ZNF385D: variants seen among roughly 807,000 people sequenced by gnomAD.
ZNF385D encodes zinc finger protein 659.
Under a neutral mutation model 35.8 loss-of-function variants are expected in ZNF385D, and 15 were observed. The ratio of observed to expected loss-of-function variants is 0.42; its 90% CI spans 0.28 to 0.64. ZNF385D has a LOEUF of 0.64. Ranked by LOEUF, ZNF385D falls within the 30% of genes least tolerant of loss-of-function variation. The probability of loss-of-function intolerance (pLI) is 0.23; values close to 1 mark genes in which losing one functional copy is unlikely to be tolerated. For missense variants in ZNF385D, 474 were observed against 494.6 expected (o/e 0.96, Z 0.39); for synonymous variants, 212 against 186.8 (o/e 1.13, Z -1.10).
At chr3:21,954,657 T>C (rs1702208793) in intron 3 of ZNF385D, among the ~76,000 whole-genome samples, 1 of 152,150 alleles carries the variant, frequency 6.6e-6, no homozygotes, top group African/African-American at 2.4e-5. Flanking sequence ...GATTCATTAA[T>C]ATATATTAAC....
intron 2 of ZNF385D, among the ~76,000 whole-genome samples, chr3:21,626,845 T>A (rs772102922): frequency 6.6e-6 from 1 of 151,944 alleles, no homozygotes; most frequent in Non-Finnish European, 1.5e-5. Flanking sequence ...AATTTATAAG[T>A]AGGCAGGGAT....
intron 3 of ZNF385D, among the ~76,000 whole-genome samples, chr3:21,945,141 T>C (rs1701712666): frequency 7.2e-6 from 1 of 138,748 alleles, no homozygotes; most frequent in Non-Finnish European, 1.5e-5. Context: ...TATATATGTA[T>C]ATGCATATAT....
rs1239015783 is a variant in ZNF385D, at chr3:21,421,347, C to T, written c.1055G>A (p.Ser352Asn). 5 of 1,613,820 alleles carry T rather than the reference C, an allele frequency of 3.1e-6. No homozygotes were observed. Among genetic ancestry groups the T allele is most frequent in the Middle Eastern group, 1.7e-4 (1 of 6,060 alleles). The change falls in exon 8 of 8, where the codon AGT becomes AAT. Residue 352 changes from serine to asparagine, a missense_variant. Transcript: ENST00000281523. ...AAAAAAAVAV[S>N]SPFSLRTAPA... The stretch of plus-strand genomic sequence containing the variant: ...AGCAGTTCGAAGACTGAAGGGGGAA[C>T]TCACTGCCACTGCTGCTGCGGCTGC...
chr3:21,947,439 C>A (rs1197678555), intron 3 of ZNF385D, among the ~76,000 whole-genome samples: 1 of 152,118 alleles, frequency 6.6e-6, no homozygotes, highest in African/African-American at 2.4e-5. Flanking sequence ...CAACCTCCGC[C>A]TCCTGGGTTC....
At chr3:22,271,326 A>T (rs1054619963) in intron 2 of ZNF385D, among the ~76,000 whole-genome samples, 1 of 152,122 alleles carries the variant, frequency 6.6e-6, no homozygotes, top group Admixed American at 6.6e-5. Context: ...ACTAATTTGG[A>T]TTCATTTTCT....
intron 2 of ZNF385D, among the ~76,000 whole-genome samples, chr3:22,226,312 A>T (rs1698555124): frequency 6.6e-6 from 1 of 152,124 alleles, no homozygotes. Flanking sequence ...GGGCCTCAGC[A>T]CGACAGACCA....
intron 3 of ZNF385D, among the ~76,000 whole-genome samples, chr3:21,885,779 GA>G (rs1698515526): frequency 8.7e-6 from 1 of 114,346 alleles, no homozygotes. Flanking sequence ...TGTGTGTGTA[GA>G]AAGAAAGAGA....
chr3:22,103,207 T>C (rs1329484678), intron 3 of ZNF385D, among the ~76,000 whole-genome samples: 1 of 73,344 alleles, frequency 1.4e-5, no homozygotes, highest in East Asian at 2.6e-4. Context: ...TTACTAGCCC[T>C]GGGGCCATTT....
intron 2 of ZNF385D, among the ~76,000 whole-genome samples, chr3:22,211,922 A>G (rs2125262348): frequency 6.6e-6 from 1 of 152,144 alleles, no homozygotes; most frequent in South Asian, 2.1e-4. Context: ...TGGCTTTGAC[A>G]GAAGATGCCT....
intron 3 of ZNF385D, among the ~76,000 whole-genome samples, chr3:22,010,787 AATAATT>A (rs1203859448): frequency 6.6e-6 from 1 of 152,222 alleles, no homozygotes; most frequent in Non-Finnish European, 1.5e-5. Flanking sequence ...CTTCTGTATG[AATAATT>A]ATTTTGACAG....
intron 3 of ZNF385D, among the ~76,000 whole-genome samples, chr3:21,943,714 A>C (rs986387587): frequency 2.6e-5 from 4 of 152,182 alleles, no homozygotes; most frequent in Non-Finnish European, 5.9e-5. Flanking sequence ...AACCAAAGTG[A>C]GAGATTTTAC....
chr3:22,217,151 T>A (rs1445473204), intron 2 of ZNF385D, among the ~76,000 whole-genome samples: 1 of 152,164 alleles, frequency 6.6e-6, no homozygotes, highest in African/African-American at 2.4e-5. Flanking sequence ...TAGAGTACTA[T>A]TCTAATATTC....
chr3:22,158,850 G>T (rs1452470805), intron 3 of ZNF385D, among the ~76,000 whole-genome samples: 2 of 151,960 alleles, frequency 1.3e-5, no homozygotes, highest in Non-Finnish European at 1.5e-5. Flanking sequence ...CGTAAATCAG[G>T]AAAGAAAAAT....
At chr3:22,016,403 T>A (rs1002627043) in intron 3 of ZNF385D, among the ~76,000 whole-genome samples, 2 of 152,164 alleles carry the variant, frequency 1.3e-5, no homozygotes, top group Non-Finnish European at 2.9e-5. Context: ...ATGTACTTAG[T>A]ATCCCACGAT....
intron 3 of ZNF385D, among the ~76,000 whole-genome samples, chr3:22,140,699 T>C (rs960411286): frequency 3.9e-5 from 6 of 152,190 alleles, no homozygotes; most frequent in African/African-American, 1.4e-4. Flanking sequence ...TTTTGAAACA[T>C]CTGAAATTAT....
At chr3:21,526,806 G>A (rs1708254220) in intron 3 of ZNF385D, among the ~76,000 whole-genome samples, 1 of 152,218 alleles carries the variant, frequency 6.6e-6, no homozygotes, top group South Asian at 2.1e-4. Flanking sequence ...GCTTGGTCAT[G>A]AATTAGCTAA....
At chr3:22,135,909 G>A (rs1704071661) in intron 3 of ZNF385D, among the ~76,000 whole-genome samples, 1 of 152,062 alleles carries the variant, frequency 6.6e-6, no homozygotes, top group Admixed American at 6.6e-5. Context: ...ATGATACTAA[G>A]ACAATTGCAC....
rs552700496 is a variant in ZNF385D at position 21,598,950 on chromosome 3, A to G, written c.166-34266T>C. Among the ~76,000 whole-genome samples the G allele has an allele frequency of 2.0e-5, 3 of 152,330 alleles. No individual in the cohort carries two copies. The South Asian group carries it at 6.2e-4, about 32-fold the overall frequency. On this transcript the variant is annotated intron_variant, in intron 2 of 7. Coordinates refer to ENST00000281523, the MANE Select transcript of ZNF385D (RefSeq NM_024697.3). ...CTGAATGGAACAACTAGGTGTCTTT[A>G]GGTCTCCCTGCCATGTTTGAAACTG...
chr3:21,820,838 C>G lies in ZNF385D; in HGVS notation c.326-155810G>C, dbSNP rs536759936. ...TCAAGAAAATAAGAACCAGAAGTCA[C>G]CGAGACAGTAAAGACATTTAACAAA... On this transcript the variant is annotated intron_variant, in intron 3 of 5. Coordinates refer to the ZNF385D transcript ENST00000494108. Among the ~76,000 whole-genome samples, 9 of 150,132 alleles carry G rather than the reference C, an allele frequency of 6.0e-5. No homozygotes were observed. The East Asian group carries it at 1.6e-3, about 26-fold the overall frequency.
Sources: gnomAD v4.1 joint callset for allele counts (sites outside exome capture counted in the v4.1 genomes callset) on GRCh38, gnomAD v4.1.1 for gene constraint, MANE v1.5 for transcripts, NCBI Gene and HGNC (gene_info 2026-07-23, HGNC 2026-07-21) for gene names.